Variants in STAM observed in about 807,000 individuals in gnomAD.
STAM encodes signal transducing adapter molecule 1.
A neutral mutation model predicts 63.4 loss-of-function variants in STAM; 16 were observed. That is an observed-to-expected ratio of 0.25 (90% confidence interval 0.17 to 0.38). The LOEUF is 0.38. Ranked by LOEUF, STAM falls within the 10% of genes least tolerant of loss-of-function variation. The pLI, the probability that STAM is intolerant of heterozygous loss-of-function variation, is 1.00. For synonymous variants in STAM, 238 were observed against 223.9 expected, an observed-to-expected ratio of 1.06 and a Z score of -0.56; for missense variants, 636 against 657.1, an observed-to-expected ratio of 0.97 and a Z score of 0.35.
intron 9 of STAM, 129 bp from the exon 10 acceptor site, chr10:17,704,302 C>G (rs17141517): frequency 8.6e-6 from 6 of 698,862 alleles, no homozygotes; most frequent in Non-Finnish European, 1.5e-5. Context: ...GGGACACTGA[C>G]AACATAAAAG....
Position 17,700,236 on chromosome 10 carries a change from T to A in STAM, c.869T>A (p.Val290Glu), listed in dbSNP as rs1393699298. The A allele has an allele frequency of 6.2e-7, 1 of 1,610,598 alleles. No homozygotes were observed. ...GTACAATTTAGTGATGATGTTCAGG[T>A]AGAGACAATAGAACCAGAGCCGGAA... ...KTVQFSDDVQVETIEPEPEPA... is the reference protein window; with the variant it reads ...KTVQFSDDVQEETIEPEPEPA... Residue 290 changes from valine (V) to glutamate (E), a missense_variant, in exon 9 of 14, where the codon GTA (valine) becomes GAA (glutamate). Transcript: ENST00000377524.
At chr10:17,680,701 C>G (rs1554825250) in intron 2 of STAM, among the ~76,000 whole-genome samples, 1 of 152,172 alleles carries the variant, frequency 6.6e-6, no homozygotes, top group Admixed American at 6.6e-5. Context: ...GTCACTGTGC[C>G]CGGCCTTGAT....
At position 17,679,952 on chromosome 10, in the gene STAM, T is replaced by C. The variant is rs144074759; in HGVS notation, c.126-4723T>C. ...ATGTTCCCTCTTTGTTTTTTGATTC[T>C]AATAAATTGAGTCACCTTTCTTTCT... On this transcript the variant is annotated intron_variant, in intron 2 of 13. Transcript: ENST00000377524. Among the ~76,000 whole-genome samples, 629 of 152,192 alleles carry C rather than the reference T, an allele frequency of 4.1e-3. 1 individual carries two copies. Among genetic ancestry groups the C allele is most frequent in the Non-Finnish European group, 6.5e-3 (439 of 67,984 alleles).
chr10:17,660,533 G>C lies in STAM; in HGVS notation c.110G>C (p.Gly37Ala). Residue 37 changes from glycine (G) to alanine (A), a missense_variant, in exon 2 of 14, where the codon GGT becomes GCT. Around this residue, in one of 3 missense-constraint regions of STAM, gnomAD observed 87 missense variants for 80.3 expected, o/e 1.08. Coordinates refer to ENST00000377524, the MANE Select transcript of STAM (RefSeq NM_003473.4). ...ATTTTGGATATCTGTGATAAAGTTGGTCAGTCTCGCACTGGGTAAGTATTT... is the reference window on the plus strand; with the variant it reads ...ATTTTGGATATCTGTGATAAAGTTGCTCAGTCTCGCACTGGGTAAGTATTT... ...GLILDICDKV[G>A]QSRTGPKDCL... The C allele has an allele frequency of 1.2e-6, 2 of 1,604,448 alleles. No homozygotes were observed. Among genetic ancestry groups the C allele is most frequent in the East Asian group, 2.3e-5 (1 of 43,992 alleles).
chr10:17,684,170 G>A (rs1554825812), intron 2 of STAM, among the ~76,000 whole-genome samples: 1 of 152,136 alleles, frequency 6.6e-6, no homozygotes, highest in Non-Finnish European at 1.5e-5. Flanking sequence ...TTTTTCAGAA[G>A]GTCTTCACTG....
chr10:17,691,965 A>T (rs1425981680), intron 5 of STAM, among the ~76,000 whole-genome samples: 1 of 152,208 alleles, frequency 6.6e-6, no homozygotes, highest in Non-Finnish European at 1.5e-5. Context: ...ACCTCTACAT[A>T]CGTTATAAGC....
At chr10:17,690,924 G>A (rs1554826708) in intron 5 of STAM, among the ~76,000 whole-genome samples, 1 of 152,148 alleles carries the variant, frequency 6.6e-6, no homozygotes, top group African/African-American at 2.4e-5. Context: ...TGAATAAAAA[G>A]TGCAGTTCAG....
At chr10:17,657,828 A>G (rs1328066437) in intron 1 of STAM, among the ~76,000 whole-genome samples, 1 of 150,144 alleles carries the variant, frequency 6.7e-6, no homozygotes, top group Non-Finnish European at 1.5e-5. Flanking sequence ...TTCTGATATT[A>G]GTAATTGGTG....
At chr10:17,692,161 G>T (rs11813893) in intron 5 of STAM, among the ~76,000 whole-genome samples, 81 of 152,264 alleles carry the variant, frequency 5.3e-4, no homozygotes, top group African/African-American at 1.9e-3. Context: ...AATTTGCCCA[G>T]TGTCATCCAG....
chr10:17,686,831 T>C (rs1554826146), intron 4 of STAM, among the ~76,000 whole-genome samples: 1 of 152,236 alleles, frequency 6.6e-6, no homozygotes, highest in East Asian at 1.9e-4. Context: ...AATAGAGTAA[T>C]CTAAAAGTCT....
At chr10:17,666,683 C>T (rs113734476) in intron 2 of STAM, among the ~76,000 whole-genome samples, 3 of 152,182 alleles carry the variant, frequency 2.0e-5, no homozygotes, top group Admixed American at 6.5e-5. Flanking sequence ...AGGCATGAGC[C>T]ACCCTGCCTG....
chr10:17,661,072 A>T (rs1554822841), intron 2 of STAM, among the ~76,000 whole-genome samples: 1 of 152,176 alleles, frequency 6.6e-6, no homozygotes, highest in African/African-American at 2.4e-5. Context: ...AGTTAGGTGG[A>T]ATTGAAAAGA....
At chr10:17,694,428 A>G (rs965104583) in intron 6 of STAM, among the ~76,000 whole-genome samples, 1 of 152,120 alleles carries the variant, frequency 6.6e-6, no homozygotes, top group African/African-American at 2.4e-5. Context: ...AAGAGCAGAA[A>G]GGGTTCTGTG....
intron 2 of STAM, among the ~76,000 whole-genome samples, chr10:17,674,750 T>C (rs1352754430): frequency 6.6e-6 from 1 of 152,182 alleles, no homozygotes; most frequent in Non-Finnish European, 1.5e-5. Context: ...AATGGTAAGT[T>C]CATGTCAAAG....
At position 17,660,499 on chromosome 10, in the gene STAM, TG is replaced by T; in HGVS notation, c.80del (p.Gly27AlafsTer25). Reference sequence around the variant, plus strand: ...CAGCGAGATGAATACTGCTGAGGACTGGGGCCTCATTTTGGATATCTGTGAT... The same window carrying T: ...CAGCGAGATGAATACTGCTGAGGACTGGGCCTCATTTTGGATATCTGTGAT... ...ATSEMNTAEDWGLILDICDKV... is the reference protein window; with the variant it reads ...ATSEMNTAEDXGLILDICDKV... On this transcript the variant is annotated frameshift_variant, in exon 2 of 14. Transcript: ENST00000377524. LOFTEE classifies it high-confidence loss of function. 1.2e-6 allele frequency: 2 copies of T among 1,608,358 alleles called. No individual in the cohort carries two copies. The highest frequency in any genetic ancestry group is 1.7e-6 in the Non-Finnish European group (2 of 1,177,210).
intron 2 of STAM, among the ~76,000 whole-genome samples, chr10:17,675,233 G>A (rs1834798856): frequency 1.3e-5 from 2 of 152,148 alleles, no homozygotes; most frequent in Admixed American, 6.5e-5. Context: ...GGCTGGGCAC[G>A]TGGCTTACGC....
chr10:17,647,287 C>T (rs1448894666), intron 1 of STAM, among the ~76,000 whole-genome samples: 1 of 152,204 alleles, frequency 6.6e-6, no homozygotes, highest in African/African-American at 2.4e-5. Context: ...GTGACTTCCA[C>T]CTTGCCAAAT....
At chr10:17,713,725 G>A (rs1228136922) in intron 13 of STAM, among the ~76,000 whole-genome samples, 1 of 151,922 alleles carries the variant, frequency 6.6e-6, no homozygotes, top group Non-Finnish European at 1.5e-5. Context: ...TCTTCTGCTG[G>A]TCGGCTCTCT....
At chr10:17,662,623 C>T (rs149468797) in intron 2 of STAM, among the ~76,000 whole-genome samples, 26 of 152,278 alleles carry the variant, frequency 1.7e-4, no homozygotes, top group Admixed American at 4.6e-4. Flanking sequence ...ATCATGTACT[C>T]TAGAGGGAGA....
Sources: gnomAD v4.1 joint callset for allele counts (sites outside exome capture counted in the v4.1 genomes callset) on GRCh38, gnomAD v4.1.1 for gene constraint, gnomAD v4.1.1 regional missense constraint, MANE v1.5 for transcripts, NCBI Gene and HGNC (gene_info 2026-07-23, HGNC 2026-07-21) for gene names.